SORCS1: variants seen among roughly 807,000 people sequenced by gnomAD.
The protein encoded by SORCS1 is VPS10 domain-containing receptor SorCS1.
A neutral mutation model predicts 146.1 loss-of-function variants in SORCS1; 60 were observed. The ratio of observed to expected loss-of-function variants is 0.41; its 90% confidence interval spans 0.33 to 0.51. SORCS1 has a LOEUF of 0.51. Ranked by LOEUF, SORCS1 falls within the 20% of genes least tolerant of loss-of-function variation. SORCS1 has a pLI of 0.21. For synonymous variants in SORCS1, 637 were observed against 584.0 expected (o/e 1.09, Z -1.31); for missense variants, 1,352 against 1,487.6 (o/e 0.91, Z 1.50).
chr10:106,996,225 TAAAAAAAAAAAAAAA>T (rs376245294), intron 1 of SORCS1, among the ~76,000 whole-genome samples: 1 of 99,658 alleles, frequency 1.0e-5, no homozygotes, highest in African/African-American at 4.2e-5. Flanking sequence ...AGACTCCATC[TAAAAAAAAAAAAAAA>T]AAAAAAAAAT....
At position 106,960,408 on chromosome 10, in the gene SORCS1, TTTC is replaced by T. The variant is rs1235234055; in HGVS notation, c.559-3831_559-3829del. 1.8e-4 allele frequency among the ~76,000 whole-genome samples: 26 copies of T among 148,214 alleles called. No homozygotes were observed. In the East Asian group the frequency reaches 5.2e-3, roughly 30 times the overall value. Reference sequence around the variant, plus strand: ...GGTCCATACGTTTTCTCTTTTTCTTTTTCTTTTTTTTTTTTGAGATGGAATCTC... The same window carrying T: ...GGTCCATACGTTTTCTCTTTTTCTTTTTTTTTTTTTTTGAGATGGAATCTC... On this transcript the variant is annotated intron_variant, in intron 1 of 25. Transcript: ENST00000263054. This position sits in a 1 kb window ranked among gnomAD's most constrained non-coding sequence, Gnocchi z 4.4.
At chr10:106,593,783 AT>A (rs369018244) in intron 24 of SORCS1, among the ~76,000 whole-genome samples, 1 of 152,046 alleles carries the variant, frequency 6.6e-6, no homozygotes, top group African/African-American at 2.4e-5. Context: ...GGAAATGGAT[AT>A]TTTTTTCTTT....
intron 2 of SORCS1, among the ~76,000 whole-genome samples, chr10:106,944,874 C>CTTCTTTTTTTTTTTTTTTTTTTT (rs1954241926): frequency 2.7e-5 from 1 of 36,576 alleles, no homozygotes; most frequent in African/African-American, 1.0e-4. Context: ...AAAGAGCCTT[C>CTTCTTTTTTTTTTTTTTTTTTTT]TTTTTTTTTT....
In SORCS1 at chr10:106,577,436, GC is replaced by G. The variant is rs766904419; in HGVS notation, c.3490del (p.Ala1164HisfsTer17). The G allele has an allele frequency of 1.9e-6, 3 of 1,609,798 alleles. No individual in the cohort carries two copies. Among genetic ancestry groups the G allele is most frequent in the Admixed American group, 1.7e-5 (1 of 59,896 alleles). ...GGGTTTTCCTTAAATTGCATACTGTGCCCCAGCAGATCCCCGCTTTGGCGTT... is the reference window on the plus strand; with the variant it reads ...GGGTTTTCCTTAAATTGCATACTGTGCCCAGCAGATCCCCGCTTTGGCGTT... ...PSTPKRGSAG[A>X]QYAI On this transcript the variant is annotated frameshift_variant, in exon 26 of 26. Coordinates refer to ENST00000263054, the MANE Select transcript of SORCS1 (RefSeq NM_052918.5).
chr10:106,874,071 A>G (rs1372417418), intron 2 of SORCS1, among the ~76,000 whole-genome samples: 1 of 152,232 alleles, frequency 6.6e-6, no homozygotes, highest in African/African-American at 2.4e-5. Flanking sequence ...AATATAGAGT[A>G]CTTTATAAAT....
chr10:106,711,291 T>C (rs1384190929), intron 6 of SORCS1, among the ~76,000 whole-genome samples: 1 of 152,206 alleles, frequency 6.6e-6, no homozygotes, highest in Non-Finnish European at 1.5e-5. Context: ...GATTTTAAGA[T>C]ATCAGAGACT....
chr10:106,845,933 T>C (rs1354463095), intron 2 of SORCS1, among the ~76,000 whole-genome samples: 3 of 125,164 alleles, frequency 2.4e-5, no homozygotes, highest in East Asian at 2.2e-4. Context: ...TTCTGTTCCA[T>C]TGATCTATAT....
intron 1 of SORCS1, among the ~76,000 whole-genome samples, chr10:107,143,976 C>G (rs1429683003): frequency 6.6e-6 from 1 of 151,924 alleles, no homozygotes; most frequent in African/African-American, 2.4e-5. Flanking sequence ...TTGTAAGATG[C>G]CAGTTTTTCT....
At chr10:106,997,910 G>C (rs181935161) in intron 1 of SORCS1, among the ~76,000 whole-genome samples, 13 of 152,312 alleles carry the variant, frequency 8.5e-5, no homozygotes, top group African/African-American at 2.9e-4. Context: ...AGTGGGAGGT[G>C]CATGGGTAGG....
intron 18 of SORCS1, among the ~76,000 whole-genome samples, chr10:106,636,538 A>G (rs1331816258): frequency 2.0e-5 from 3 of 152,178 alleles, no homozygotes; most frequent in African/African-American, 7.2e-5. Context: ...TCATAGTGGA[A>G]GGGAAAGCAG....
intron 3 of SORCS1, among the ~76,000 whole-genome samples, chr10:106,787,637 C>G (rs1419409976): frequency 6.6e-6 from 1 of 152,104 alleles, no homozygotes; most frequent in Non-Finnish European, 1.5e-5. Flanking sequence ...TCTCAACACC[C>G]CAAAAGTATT....
At chr10:106,781,295 C>T (rs560276144) in intron 3 of SORCS1, among the ~76,000 whole-genome samples, 5 of 152,176 alleles carry the variant, frequency 3.3e-5, no homozygotes, top group Admixed American at 3.3e-4. Flanking sequence ...CTTTTTCGTA[C>T]CATTTCTTTG....
chr10:107,116,181 A>G (rs1400288142), intron 1 of SORCS1, among the ~76,000 whole-genome samples: 1 of 152,130 alleles, frequency 6.6e-6, no homozygotes. Flanking sequence ...AAATTGGTAT[A>G]GCCATTATGT....
At chr10:107,015,153 T>C (rs952169583) in intron 1 of SORCS1, among the ~76,000 whole-genome samples, 4 of 152,208 alleles carry the variant, frequency 2.6e-5, no homozygotes, top group African/African-American at 9.6e-5. Flanking sequence ...ATGAAGGAAA[T>C]CATTCATTCA....
At chr10:106,827,009 G>C (rs1041083073) in intron 3 of SORCS1, among the ~76,000 whole-genome samples, 5 of 152,028 alleles carry the variant, frequency 3.3e-5, no homozygotes, top group Admixed American at 2.0e-4. Context: ...ATGGTATATT[G>C]ACTTGAGTGG....
chr10:106,741,200 C>T (rs1312465551), intron 5 of SORCS1, among the ~76,000 whole-genome samples: 1 of 152,134 alleles, frequency 6.6e-6, no homozygotes, highest in Non-Finnish European at 1.5e-5. Context: ...AACCCAGGTC[C>T]TTAACTCATG....
intron 5 of SORCS1, among the ~76,000 whole-genome samples, chr10:106,743,588 C>T (rs1160815049): frequency 1.3e-5 from 2 of 152,002 alleles, no homozygotes; most frequent in East Asian, 1.9e-4. Context: ...CCGTGCCTGG[C>T]TAATTTTTGT....
rs550122872 is a variant in SORCS1 at position 106,609,231 on chromosome 10, G to A, written c.3034-1934C>T. On this transcript the variant is annotated intron_variant, in intron 22 of 25. Coordinates refer to ENST00000263054, the MANE Select transcript of SORCS1 (RefSeq NM_052918.5). ...CTGACAAACAACAGCTCCTATTACAGCAAACCCCACACTGTTTTATGCCCT... is the reference window on the plus strand; with the variant it reads ...CTGACAAACAACAGCTCCTATTACAACAAACCCCACACTGTTTTATGCCCT... Among the ~76,000 whole-genome samples, 42 of 152,242 alleles carry A rather than the reference G, an allele frequency of 2.8e-4. No individual in the cohort carries two copies. The South Asian group carries it at 7.9e-3, about 29-fold the overall frequency.
intron 1 of SORCS1, among the ~76,000 whole-genome samples, chr10:107,094,761 A>G (rs1964433713): frequency 6.6e-6 from 1 of 152,172 alleles, no homozygotes; most frequent in Admixed American, 6.5e-5. Context: ...GCCAGACCAA[A>G]AGCAAAAGTA....
Sources: allele counts gnomAD v4.1 joint callset (sites outside exome capture counted in the v4.1 genomes callset), GRCh38; gene constraint gnomAD v4.1.1; non-coding constraint Gnocchi (gnomAD v3.1); transcripts MANE v1.5; gene names NCBI Gene and HGNC (gene_info 2026-07-23, HGNC 2026-07-21).